The following TOX2 variants were observed in gnomAD, a reference collection of about 807,000 sequenced individuals.
The protein encoded by TOX2 is granulosa cell HMG box 1.
Under a neutral mutation model 47.4 loss-of-function variants are expected in TOX2, and 15 were observed. The ratio of observed to expected loss-of-function variants is 0.32; its 90% CI spans 0.21 to 0.49. The LOEUF (loss-of-function observed/expected upper bound fraction) is 0.49. TOX2 is among the 20% of genes least tolerant of loss of function. TOX2 has a pLI of 0.99. For synonymous variants in TOX2, 290 were observed against 296.6 expected (o/e 0.98, Z 0.23); for missense variants, 622 against 673.1 (o/e 0.92, Z 0.84).
intron 3 of TOX2, among the ~76,000 whole-genome samples, chr20:44,023,949 ATCCCCTCTCCCTTAGCCCG>A (rs767527488): frequency 2.4e-4 from 37 of 151,978 alleles, no homozygotes; most frequent in Non-Finnish European, 4.6e-4. Context: ...CCTCAGCCAC[ATCCCCTCTCCCTTAGCCCG>A]TCCCCTCTCT....
Position 44,065,911 on chromosome 20 carries a change from G to C in TOX2, c.1160G>C (p.Ser387Thr), listed in dbSNP as rs765199284. ...LGSKSLLPGL[S>T]ASPPPPPSFP... Reference sequence around the variant, plus strand: ...TCCAAGTCTCTGCTGCCAGGCCTCAGTGCGTCCCCGCCGCCGCCACCCTCC... The same window carrying C: ...TCCAAGTCTCTGCTGCCAGGCCTCACTGCGTCCCCGCCGCCGCCACCCTCC... Residue 387 changes from serine (S) to threonine (T), a missense_variant, in exon 7 of 9, where the codon AGT (serine) becomes ACT (threonine). Around this residue, in one of 3 missense-constraint regions of TOX2, gnomAD observed 294 missense variants for 300.0 expected, o/e 0.98. Coordinates refer to ENST00000341197, the MANE Select transcript of TOX2 (RefSeq NM_001098797.2). 2.5e-6 allele frequency: 4 copies of C among 1,610,658 alleles called. 1 individual carries two copies. In the South Asian group the frequency reaches 4.4e-5, roughly 18 times the overall value.
chr20:43,951,708 T>TTTTTG (rs2069573903), intron 1 of TOX2, among the ~76,000 whole-genome samples: 1 of 57,526 alleles, frequency 1.7e-5, no homozygotes, highest in Admixed American at 2.6e-4. Context: ...ACTTATTATG[T>TTTTTG]TTTTTTTTTT....
Position 43,927,659 on chromosome 20 carries a change from C to CTT in TOX2, c.99+12669_99+12670insTT, listed in dbSNP as rs1188079764. 8.1e-3 allele frequency among the ~76,000 whole-genome samples: 909 copies of CTT among 112,740 alleles called. 114 individuals carry two copies. The highest frequency in any genetic ancestry group is 0.025 in the African/African-American group (493 of 19,980). 74.0% of individuals were successfully genotyped at this position (112,740 alleles called of 152,430 possible). A position where few individuals can be genotyped will look rare whatever the true frequency, so the allele number is the denominator to read the frequency against. The stretch of plus-strand genomic sequence containing the variant: ...TCCTTCCTCCCCTTCCCTTCCCTTC[C>CTT]CCTTCCTTCCTTCCTTTCTTCCTTC... On this transcript the variant is annotated intron_variant, in intron 1 of 8. Coordinates refer to ENST00000341197, the MANE Select transcript of TOX2 (RefSeq NM_001098797.2).
At chr20:44,018,102 C>G (rs1418898473) in intron 3 of TOX2, among the ~76,000 whole-genome samples, 1 of 152,172 alleles carries the variant, frequency 6.6e-6, no homozygotes, top group African/African-American at 2.4e-5. Flanking sequence ...AGGGGGTAGC[C>G]TTGGGGGCCA....
chr20:44,025,789 G>C (rs1225731427), intron 3 of TOX2, among the ~76,000 whole-genome samples: 1 of 151,738 alleles, frequency 6.6e-6, no homozygotes, highest in East Asian at 2.0e-4. Context: ...GAAGATTCCA[G>C]CTCAAGCCCC....
intron 1 of TOX2, among the ~76,000 whole-genome samples, chr20:43,964,327 C>T (rs376775467): frequency 1.5e-4 from 23 of 152,318 alleles, no homozygotes; most frequent in Admixed American, 4.6e-4. Context: ...ACCCCTCCCC[C>T]GGCATCTTCC....
chr20:44,008,538 C>T (rs775278609), intron 3 of TOX2, among the ~76,000 whole-genome samples: 2 of 144,544 alleles, frequency 1.4e-5, no homozygotes, highest in Admixed American at 1.4e-4. Flanking sequence ...CCAGCCTGGG[C>T]CACGCAGCAA....
chr20:43,996,261 C>T (rs1365609313), intron 2 of TOX2, among the ~76,000 whole-genome samples: 1 of 152,150 alleles, frequency 6.6e-6, no homozygotes, highest in African/African-American at 2.4e-5. Context: ...CTCTAATGAT[C>T]GGTGATGTTG....
At chr20:44,038,107 C>T (rs149151115) in intron 3 of TOX2, among the ~76,000 whole-genome samples, 181 of 152,228 alleles carry the variant, frequency 1.2e-3, no homozygotes, top group African/African-American at 3.9e-3. Flanking sequence ...CAGAAATTAA[C>T]GAGAAGTGCT....
At chr20:44,067,171 C>T (rs1283818430) in intron 8 of TOX2, among the ~76,000 whole-genome samples, 1 of 152,120 alleles carries the variant, frequency 6.6e-6, no homozygotes, top group African/African-American at 2.4e-5. Context: ...TAGGCCAGTT[C>T]CCTAGAAGCA....
intron 3 of TOX2, among the ~76,000 whole-genome samples, chr20:44,043,323 T>C (rs2071363008): frequency 6.6e-6 from 1 of 152,222 alleles, no homozygotes; most frequent in Non-Finnish European, 1.5e-5. Context: ...CTGCTTTGGA[T>C]CTGCTTTTGA....
intron 1 of TOX2, among the ~76,000 whole-genome samples, chr20:43,921,028 A>G (rs1194743642): frequency 6.6e-6 from 1 of 152,214 alleles, no homozygotes; most frequent in East Asian, 1.9e-4. Context: ...CTGTGGCTTG[A>G]GGAACTTAGC....
At chr20:44,019,339 C>T (rs954555216) in intron 3 of TOX2, among the ~76,000 whole-genome samples, 1 of 152,228 alleles carries the variant, frequency 6.6e-6, no homozygotes, top group Non-Finnish European at 1.5e-5. Context: ...CAAAGACACA[C>T]AGCTAGGAAG....
At position 44,069,084 on chromosome 20, in the gene TOX2, C is replaced by T. The variant is rs1375032547; in HGVS notation, c.*398C>T. The T allele has an allele frequency of 2.4e-5, 9 of 380,954 alleles. No homozygotes were observed. The highest frequency in any genetic ancestry group is 1.3e-4 in the East Asian group (2 of 15,508). 23.6% of individuals were successfully genotyped at this position (380,954 alleles called of 1,614,324 possible). On this transcript the variant is annotated 3_prime_UTR_variant, in exon 9 of 9. Coordinates refer to ENST00000341197, the MANE Select transcript of TOX2 (RefSeq NM_001098797.2). ...ATGCATGGGCCAGAGGGCCGGCCCC[C>T]GGCATAGATGTGCACATCGGTTTTC...
intron 3 of TOX2, among the ~76,000 whole-genome samples, chr20:44,038,250 AGCCG>A (rs1454489126): frequency 6.6e-6 from 1 of 152,028 alleles, no homozygotes; most frequent in Non-Finnish European, 1.5e-5. Context: ...ATAAAAAATT[AGCCG>A]GGTTCCGTGG....
intron 1 of TOX2, among the ~76,000 whole-genome samples, chr20:43,957,567 CTTTTTTT>C (rs35133028): frequency 2.6e-4 from 28 of 105,790 alleles, no homozygotes; most frequent in East Asian, 6.0e-4. Context: ...TAAATGCCCT[CTTTTTTT>C]TTTTTTTTTT....
chr20:44,039,965 G>A (rs2071306143), intron 3 of TOX2, among the ~76,000 whole-genome samples: 1 of 152,176 alleles, frequency 6.6e-6, no homozygotes, highest in South Asian at 2.1e-4. Flanking sequence ...CGGGGGGCAG[G>A]GTCTCCACTG....
At chr20:43,934,798 T>TTTTG (rs1555830264) in intron 1 of TOX2, among the ~76,000 whole-genome samples, 4 of 147,748 alleles carry the variant, frequency 2.7e-5, no homozygotes, top group African/African-American at 1.0e-4. Flanking sequence ...GTGTGTGTGT[T>TTTTG]TGTGTGTGTG....
At chr20:43,977,799 G>C (rs2070107968) in intron 2 of TOX2, among the ~76,000 whole-genome samples, 1 of 152,134 alleles carries the variant, frequency 6.6e-6, no homozygotes, top group Non-Finnish European at 1.5e-5. Flanking sequence ...TAGAGGACCT[G>C]GTAGAGGTCA....
Sources: allele counts gnomAD v4.1 joint callset (sites outside exome capture counted in the v4.1 genomes callset), GRCh38; gene constraint gnomAD v4.1.1; regional missense constraint gnomAD v4.1.1; transcripts MANE v1.5; gene names NCBI Gene and HGNC (gene_info 2026-07-23, HGNC 2026-07-21).